TBXAS1: variants seen among roughly 807,000 people sequenced by gnomAD.
TBXAS1 encodes the protein thromboxane A synthase 1, also known as thromboxane-A synthase.
Under a neutral mutation model 60.7 loss-of-function variants are expected in TBXAS1, and 48 were observed. The ratio of observed to expected loss-of-function variants is 0.79; its 90% CI spans 0.63 to 1.01. The LOEUF is 1.01. Among genes scored for constraint, TBXAS1 ranks in the 50% least tolerant of loss-of-function variants. TBXAS1 has a pLI of 0.00. For missense variants in TBXAS1, 685 were observed against 686.3 expected, an observed-to-expected ratio of 1.00 and a Z score of 0.02; for synonymous variants, 287 against 269.7, an observed-to-expected ratio of 1.06 and a Z score of -0.63.
chr7:139,835,348 G>A lies in TBXAS1; in HGVS notation c.89+5869G>A, dbSNP rs567025418. On this transcript the variant is annotated intron_variant, in intron 1 of 12. Transcript: ENST00000448866. ...CTCCCAAAGTGCTGGGATTTCAGGCGTGAGCCAACACGCCTGGCCAATACT... is the reference window on the plus strand; with the variant it reads ...CTCCCAAAGTGCTGGGATTTCAGGCATGAGCCAACACGCCTGGCCAATACT... 1.4e-4 allele frequency among the ~76,000 whole-genome samples: 22 copies of A among 152,188 alleles called. No individual in the cohort carries two copies. The South Asian group carries it at 2.9e-3, about 20-fold the overall frequency.
In TBXAS1 at chr7:139,962,191, A is replaced by C. The variant is rs1164033182; in HGVS notation, c.1092A>C (p.Gln364His). 1 of 1,614,202 alleles carries C rather than the reference A, an allele frequency of 6.2e-7. No individual in the cohort carries two copies. The highest frequency in any genetic ancestry group is 1.7e-5 in the Admixed American group (1 of 60,018). The change falls in exon 9 of 13, where the codon CAA becomes CAC. Residue 364 changes from glutamine (Q) to histidine (H), a missense_variant. By Grantham distance (24) the Gln-to-His change is conservative (BLOSUM62 0). Transcript: ENST00000448866. The stretch of plus-strand genomic sequence containing the variant: ...TACTGGCCACCAACCCTGACTGCCA[A>C]GAGAAGCTTCTGAGAGAGGTAGACG... Reference protein sequence around the residue: ...TYLLATNPDCQEKLLREVDVF... With the variant: ...TYLLATNPDCHEKLLREVDVF...
intron 4 of TBXAS1, among the ~76,000 whole-genome samples, chr7:139,819,258 C>T (rs1183261396): frequency 1.3e-5 from 2 of 152,192 alleles, no homozygotes; most frequent in Non-Finnish European, 2.9e-5. Context: ...TCTCTGTTTT[C>T]CACTTGCCAG....
intron 1 of TBXAS1, 64 bp from the exon 2 acceptor site, chr7:139,872,171 A>C: frequency 6.8e-7 from 1 of 1,472,872 alleles, no homozygotes. Context: ...TCTAGTTCCT[A>C]ATAGAGCCTA....
chr7:139,839,067 A>G (rs578159791), intron 1 of TBXAS1, among the ~76,000 whole-genome samples: 1 of 152,304 alleles, frequency 6.6e-6, no homozygotes, highest in African/African-American at 2.4e-5. Flanking sequence ...AGCAACACCT[A>G]AGGACTGGCA....
At chr7:139,887,064 C>T (rs1057504001) in intron 3 of TBXAS1, among the ~76,000 whole-genome samples, 5 of 152,044 alleles carry the variant, frequency 3.3e-5, no homozygotes, top group South Asian at 2.1e-4. Context: ...CTTCAGGGCC[C>T]GAGAACCCAC....
intron 1 of TBXAS1, among the ~76,000 whole-genome samples, chr7:139,849,372 C>G (rs1376291498): frequency 6.9e-6 from 1 of 145,158 alleles, no homozygotes; most frequent in Admixed American, 7.0e-5. Flanking sequence ...CCTGTTCCCC[C>G]AAAAAAAACA....
At chr7:139,834,697 C>T (rs748488212) in intron 1 of TBXAS1, among the ~76,000 whole-genome samples, 15 of 152,196 alleles carry the variant, frequency 9.9e-5, no homozygotes, top group Non-Finnish European at 1.6e-4. Context: ...AACACCTTTA[C>T]GCACATAAAC....
At chr7:139,954,468 T>A (rs992590050) in intron 6 of TBXAS1, among the ~76,000 whole-genome samples, 1 of 152,230 alleles carries the variant, frequency 6.6e-6, no homozygotes, top group Non-Finnish European at 1.5e-5. Context: ...GTGTAATCAG[T>A]TGTAGAAACG....
chr7:139,800,938 A>G (rs1783322777), intron 4 of TBXAS1, among the ~76,000 whole-genome samples: 1 of 152,184 alleles, frequency 6.6e-6, no homozygotes, highest in East Asian at 1.9e-4. Flanking sequence ...AGCTAACTAT[A>G]TTTCCTTACT....
intron 9 of TBXAS1, among the ~76,000 whole-genome samples, chr7:139,968,617 C>T (rs1810965815): frequency 6.6e-6 from 1 of 152,162 alleles, no homozygotes; most frequent in Non-Finnish European, 1.5e-5. Context: ...TTAATTCATG[C>T]CCCCAGACTG....
chr7:139,828,067 A>G (rs912987496), upstream of TBXAS1, among the ~76,000 whole-genome samples: 2 of 152,138 alleles, frequency 1.3e-5, no homozygotes, highest in African/African-American at 4.8e-5. Context: ...TCTTCCCCCA[A>G]ATATGTTTTC....
In TBXAS1 at chr7:140,020,099, A is replaced by G; in HGVS notation, c.1602A>G (p.Ter534TrpextTer32). 6.2e-7 allele frequency: 1 copy of G among 1,609,054 alleles called. No homozygotes were observed. Among genetic ancestry groups the G allele is most frequent in the South Asian group, 1.1e-5 (1 of 90,964 alleles). The change falls in exon 13 of 13, where the codon TGA (stop) becomes TGG (tryptophan). Residue 534 changes from the stop codon to tryptophan (W), a stop_lost. Coordinates refer to ENST00000448866, the MANE Select transcript of TBXAS1 (RefSeq NM_001061.7). Reference protein sequence around the residue: ...NGVYIKIVSR* With the variant: ...NGVYIKIVSRW ...TCTATATCAAGATCGTATCCCGCTG[A>G]CACAGAAGGCTGCCGGGTGGGGGGA...
At chr7:139,877,812 A>G (rs145367917) in intron 3 of TBXAS1, among the ~76,000 whole-genome samples, 53 of 144,738 alleles carry the variant, frequency 3.7e-4, no homozygotes, top group Admixed American at 1.2e-3. Context: ...TCACCAGTCT[A>G]TTGCTTTTTA....
chr7:139,959,007 T>TCACACACACACACACACA (rs8192836), intron 8 of TBXAS1, among the ~76,000 whole-genome samples: 50 of 149,848 alleles, frequency 3.3e-4, no homozygotes, highest in Middle Eastern at 3.4e-3. Context: ...TTGAGAGTGT[T>TCACACACACACACACACA]CACACACACA....
At chr7:139,895,649 A>G (rs1472199227) in intron 3 of TBXAS1, among the ~76,000 whole-genome samples, 1 of 152,226 alleles carries the variant, frequency 6.6e-6, no homozygotes, top group East Asian at 1.9e-4. Flanking sequence ...AGTCCTTCCC[A>G]GAAGGGGGAT....
chr7:139,824,297 C>T (rs1268485147), upstream of TBXAS1, among the ~76,000 whole-genome samples: 4 of 152,150 alleles, frequency 2.6e-5, no homozygotes, highest in Admixed American at 1.3e-4. Flanking sequence ...GGCACCTCCC[C>T]GCATGGCTCG....
intron 9 of TBXAS1, among the ~76,000 whole-genome samples, chr7:139,967,620 T>C (rs567640951): frequency 6.6e-6 from 1 of 152,318 alleles, no homozygotes; most frequent in Non-Finnish European, 1.5e-5. Flanking sequence ...CAGAGGAATA[T>C]GATCCCCTGA....
At chr7:140,006,766 G>A (rs1357312230) in intron 9 of TBXAS1, among the ~76,000 whole-genome samples, 1 of 152,190 alleles carries the variant, frequency 6.6e-6, no homozygotes, top group African/African-American at 2.4e-5. Flanking sequence ...ATCAAATGCG[G>A]TAACGTCTAT....
intron 4 of TBXAS1, among the ~76,000 whole-genome samples, chr7:139,791,812 T>G (rs1797392489): frequency 6.6e-6 from 1 of 151,730 alleles, no homozygotes; most frequent in East Asian, 1.9e-4. Flanking sequence ...TGTTTTGTTT[T>G]TTTTTTTTTT....
Sources: allele counts gnomAD v4.1 joint callset (sites outside exome capture counted in the v4.1 genomes callset), GRCh38; gene constraint gnomAD v4.1.1; transcripts MANE v1.5; gene names NCBI Gene and HGNC (gene_info 2026-07-23, HGNC 2026-07-21).